Variants in CFAP299 observed in about 807,000 individuals in gnomAD.
CFAP299 encodes cilia- and flagella-associated protein 299.
In CFAP299, 21 loss-of-function variants were observed where a neutral mutation model predicts 27.0. The observed-to-expected ratio is 0.78, with a 90% CI of 0.55 to 1.12. The LOEUF (loss-of-function observed/expected upper bound fraction) is 1.12, where lower values mean the gene tolerates loss of function less well. Among genes scored for constraint, CFAP299 ranks in the 50% most tolerant of loss-of-function variants. The pLI is 0.00. For synonymous variants in CFAP299, 104 were observed against 98.1 expected, an observed-to-expected ratio of 1.06 and a Z score of -0.36; for missense variants, 310 against 276.6, an observed-to-expected ratio of 1.12 and a Z score of -0.86.
intron 2 of CFAP299, among the ~76,000 whole-genome samples, chr4:80,439,360 T>C (rs371662440): frequency 7.2e-5 from 11 of 152,218 alleles, no homozygotes; most frequent in East Asian, 5.8e-4. Flanking sequence ...GCTCATCTCA[T>C]TGGGACTGGT....
intron 3 of CFAP299, among the ~76,000 whole-genome samples, chr4:80,623,789 T>C (rs73832429): frequency 0.046 from 6,939 of 152,122 alleles, 550 homozygotes; most frequent in African/African-American, 0.16. Flanking sequence ...CCCCATACTC[T>C]AGATTAGAAT....
upstream of CFAP299, among the ~76,000 whole-genome samples, chr4:80,333,628 C>T (rs370226500): frequency 1.3e-5 from 2 of 152,230 alleles, no homozygotes; most frequent in South Asian, 2.1e-4. Flanking sequence ...CAAGTAAGTA[C>T]CTTAAATCTG....
intron 2 of CFAP299, among the ~76,000 whole-genome samples, chr4:80,385,274 A>T (rs186646225): frequency 1.3e-5 from 2 of 152,160 alleles, no homozygotes; most frequent in Non-Finnish European, 2.9e-5. Flanking sequence ...AACCATTTTC[A>T]TCTCCATTTC....
At chr4:80,408,988 G>A (rs1228761564) in intron 2 of CFAP299, among the ~76,000 whole-genome samples, 6 of 150,512 alleles carry the variant, frequency 4.0e-5, no homozygotes, top group Non-Finnish European at 8.9e-5. Context: ...GGCTGGGGTG[G>A]GAGAATTGCT....
chr4:80,473,242 A>G (rs1485528655), intron 2 of CFAP299, among the ~76,000 whole-genome samples: 2 of 152,164 alleles, frequency 1.3e-5, no homozygotes, highest in East Asian at 3.9e-4. Flanking sequence ...CTTACAGATG[A>G]GTAGCGATCA....
chr4:80,512,105 T>C (rs1732334338), intron 2 of CFAP299, among the ~76,000 whole-genome samples: 1 of 152,158 alleles, frequency 6.6e-6, no homozygotes, highest in South Asian at 2.1e-4. Context: ...TTAACACTTT[T>C]ATTTGTGCGA....
chr4:80,891,830 G>GAAAAAAAAAAAAA (rs35425830), intron 4 of CFAP299, among the ~76,000 whole-genome samples: 2 of 53,998 alleles, frequency 3.7e-5, no homozygotes, highest in African/African-American at 6.5e-5. Context: ...TAGATTAAAG[G>GAAAAAAAAAAAAA]AAAAAAAAAA....
intron 3 of CFAP299, among the ~76,000 whole-genome samples, chr4:80,612,951 G>A (rs142547718): frequency 6.6e-6 from 1 of 152,152 alleles, no homozygotes; most frequent in African/African-American, 2.4e-5. Context: ...AGTGAGAATT[G>A]CAAGACTAAC....
At position 80,441,430 on chromosome 4, in the gene CFAP299, C is replaced by A. The variant is rs547730251; in HGVS notation, c.242+78546C>A. Among the ~76,000 whole-genome samples the A allele has an allele frequency of 2.6e-5, 4 of 152,214 alleles. No homozygotes were observed. The East Asian group carries it at 7.7e-4, about 29-fold the overall frequency. ...ATTCTTAAAGAAAAGAGTTTTCAAC[C>A]CAGAATTGCATATCCAGCCAAACTA... On this transcript the variant is annotated intron_variant, in intron 2 of 5. Coordinates refer to ENST00000358105, the MANE Select transcript of CFAP299 (RefSeq NM_152770.3).
intron 2 of CFAP299, among the ~76,000 whole-genome samples, chr4:80,465,483 C>T (rs115615762): frequency 2.0e-5 from 3 of 152,254 alleles, no homozygotes; most frequent in Non-Finnish European, 4.4e-5. Flanking sequence ...CCCCACAGAT[C>T]CCAGGAGCAA....
At chr4:80,428,380 A>G (rs557216157) in intron 2 of CFAP299, among the ~76,000 whole-genome samples, 1 of 152,190 alleles carries the variant, frequency 6.6e-6, no homozygotes, top group Non-Finnish European at 1.5e-5. Context: ...AGTAATCTGC[A>G]CCTCCACCTT....
At chr4:80,512,353 A>T (rs1463742238) in intron 2 of CFAP299, among the ~76,000 whole-genome samples, 1 of 152,124 alleles carries the variant, frequency 6.6e-6, no homozygotes, top group Non-Finnish European at 1.5e-5. Context: ...GTGACAAAGC[A>T]TCCGATGCTA....
intron 2 of CFAP299, among the ~76,000 whole-genome samples, chr4:80,575,025 G>C (rs1277624350): frequency 6.6e-6 from 1 of 152,064 alleles, no homozygotes; most frequent in Non-Finnish European, 1.5e-5. Context: ...AGAATAGTTT[G>C]AGTAGGATTG....
intron 3 of CFAP299, among the ~76,000 whole-genome samples, chr4:80,704,313 C>T (rs575019573): frequency 6.6e-6 from 1 of 151,618 alleles, no homozygotes; most frequent in East Asian, 1.9e-4. Flanking sequence ...TGATGGCCTG[C>T]ATCATTTTAA....
chr4:80,800,688 A>G (rs1363622614), intron 3 of CFAP299, among the ~76,000 whole-genome samples: 2 of 116,594 alleles, frequency 1.7e-5, no homozygotes, highest in East Asian at 4.3e-4. Flanking sequence ...ATGATATATT[A>G]TATATATTTA....
chr4:80,810,156 G>C (rs927099282), intron 3 of CFAP299, among the ~76,000 whole-genome samples: 1 of 151,950 alleles, frequency 6.6e-6, no homozygotes, highest in Admixed American at 6.6e-5. Context: ...TTACAAAGGT[G>C]TATTGTCTGA....
chr4:80,428,652 G>C (rs1270353744), intron 2 of CFAP299, among the ~76,000 whole-genome samples: 2 of 151,034 alleles, frequency 1.3e-5, no homozygotes, highest in Non-Finnish European at 2.9e-5. Flanking sequence ...CCAGCCTCAC[G>C]AGTAGCTGGG....
Position 80,386,137 on chromosome 4 carries a change from T to G in CFAP299, c.242+23253T>G, listed in dbSNP as rs114898106. ...CCCCCAGGGAGCCTGGACCCAAACA[T>G]GAGCATCAGGCCTTCCCAGGAAACG... On this transcript the variant is annotated intron_variant, in intron 2 of 5. Transcript: ENST00000358105. The G allele has an allele frequency of 2.0e-3, 1,019 of 512,620 alleles. 19 individuals carry two copies. Among genetic ancestry groups the G allele is most frequent in the African/African-American group, 0.018 (962 of 52,422 alleles). The allele number at this position is 512,620 out of a possible 1,614,324, so 31.8% of individuals were successfully genotyped here. A position where few individuals can be genotyped will look rare whatever the true frequency, so the allele number is the denominator to read the frequency against.
chr4:80,460,316 T>TGCAAA (rs1729375633), intron 2 of CFAP299, among the ~76,000 whole-genome samples: 1 of 152,180 alleles, frequency 6.6e-6, no homozygotes, highest in South Asian at 2.1e-4. Flanking sequence ...CCAATGCAGA[T>TGCAAA]TTTTCTCTAC....
Sources: allele counts gnomAD v4.1 joint callset (sites outside exome capture counted in the v4.1 genomes callset), GRCh38; gene constraint gnomAD v4.1.1; transcripts MANE v1.5; gene names NCBI Gene and HGNC (gene_info 2026-07-23, HGNC 2026-07-21).